Variants in RPS6KA5 observed in about 807,000 individuals in gnomAD.
RPS6KA5 encodes the protein ribosomal protein S6 kinase alpha-5.
Under a neutral mutation model 85.5 loss-of-function variants are expected in RPS6KA5, and 27 were observed. That is an observed-to-expected ratio of 0.32 (90% confidence interval 0.23 to 0.44). The LOEUF (loss-of-function observed/expected upper bound fraction) is 0.44. Ranked by LOEUF, RPS6KA5 falls within the 20% of genes least tolerant of loss-of-function variation. The pLI, the probability that RPS6KA5 is intolerant of heterozygous loss-of-function variation, is 1.00. For synonymous variants in RPS6KA5, 334 were observed against 348.2 expected (o/e 0.96, Z 0.46); for missense variants, 811 against 980.9 (o/e 0.83, Z 2.31).
At chr14:90,950,440 G>C (rs1476868124) in intron 3 of RPS6KA5, among the ~76,000 whole-genome samples, 1 of 152,110 alleles carries the variant, frequency 6.6e-6, no homozygotes, top group Non-Finnish European at 1.5e-5. Context: ...TGAATAAAGT[G>C]GGAAAGTGGA....
At chr14:90,875,894 G>A (rs1170114733) in intron 14 of RPS6KA5, among the ~76,000 whole-genome samples, 1 of 116,994 alleles carries the variant, frequency 8.5e-6, no homozygotes, top group Non-Finnish European at 1.7e-5. Context: ...ACACACCGGG[G>A]ACTGTTGTGG....
At chr14:91,045,895 C>CA (rs2042852361) in intron 1 of RPS6KA5, among the ~76,000 whole-genome samples, 1 of 152,168 alleles carries the variant, frequency 6.6e-6, no homozygotes, top group East Asian at 1.9e-4. Context: ...ATGTCACACT[C>CA]AAGCCAGACA....
At chr14:90,908,206 T>C (rs755127689) in intron 7 of RPS6KA5, among the ~76,000 whole-genome samples, 11 of 152,188 alleles carry the variant, frequency 7.2e-5, no homozygotes, top group Non-Finnish European at 1.3e-4. Context: ...CAGAAATGGC[T>C]CTGCTGAGAT....
chr14:90,904,701 C>T (rs921527592), intron 8 of RPS6KA5, among the ~76,000 whole-genome samples: 1 of 152,158 alleles, frequency 6.6e-6, no homozygotes, highest in Non-Finnish European at 1.5e-5. Flanking sequence ...ATCCTTTCCA[C>T]CTCCGCTCCA....
intron 9 of RPS6KA5, among the ~76,000 whole-genome samples, chr14:90,901,910 G>A (rs151251413): frequency 2.6e-4 from 40 of 152,290 alleles, no homozygotes; most frequent in African/African-American, 8.2e-4. Context: ...TGAGGGGCAC[G>A]GTGGCTCATG....
intron 11 of RPS6KA5, 37 bp downstream of exon 11, chr14:90,900,071 T>A (rs2035077880): frequency 1.4e-6 from 2 of 1,462,430 alleles, no homozygotes; most frequent in African/African-American, 2.9e-5. Context: ...AATTCATGAA[T>A]ACCTAAGAAA....
At chr14:90,938,091 G>A (rs896651305) in intron 5 of RPS6KA5, among the ~76,000 whole-genome samples, 1 of 152,188 alleles carries the variant, frequency 6.6e-6, no homozygotes, top group Admixed American at 6.5e-5. Context: ...GACACAACAG[G>A]AGTACAGGCA....
At chr14:90,957,207 G>A (rs1276277628) in intron 3 of RPS6KA5, among the ~76,000 whole-genome samples, 1 of 151,976 alleles carries the variant, frequency 6.6e-6, no homozygotes, top group East Asian at 1.9e-4. Context: ...AGGAATTACA[G>A]GTGCACACCA....
Position 90,900,619 on chromosome 14 carries a change from T to A in RPS6KA5, c.1237A>T (p.Met413Leu). The change falls in exon 10 of 17, where the codon ATG (methionine) becomes TTG (leucine). Residue 413 changes from methionine (M) to leucine (L), a missense_variant. Met to Leu is a conservative substitution (Grantham distance 15, BLOSUM62 2). Coordinates refer to ENST00000614987, the MANE Select transcript of RPS6KA5 (RefSeq NM_004755.4). ...TTACCACATCTATATACCTTCATCA[T>A]TGCACTCCTGGCAACATTTGTCACT... ...PGVTNVARSA[M>L]MKDSPFYQHY... 2.5e-6 allele frequency: 4 copies of A among 1,613,626 alleles called. No individual in the cohort carries two copies. Among genetic ancestry groups the A allele is most frequent in the Non-Finnish European group, 3.4e-6 (4 of 1,179,824 alleles).
chr14:90,993,004 CAGTA>C (rs1182851463), intron 2 of RPS6KA5, among the ~76,000 whole-genome samples: 1 of 152,190 alleles, frequency 6.6e-6, no homozygotes, highest in African/African-American at 2.4e-5. Context: ...TTTACACAGT[CAGTA>C]TGCTTTAGAC....
intron 1 of RPS6KA5, among the ~76,000 whole-genome samples, chr14:91,005,627 A>G (rs2040985678): frequency 6.6e-6 from 1 of 152,204 alleles, no homozygotes; most frequent in South Asian, 2.1e-4. Flanking sequence ...TAAAAAACAC[A>G]TATTTGAGCA....
In RPS6KA5 at chr14:90,849,756, G is replaced by A. The variant is rs943703; in HGVS notation, c.*22318C>T. ...ATGCTAATGTAGGGGTCAGCTAACAGTAACAAGCTACTACTATTATTTCCC... is the reference window on the plus strand; with the variant it reads ...ATGCTAATGTAGGGGTCAGCTAACAATAACAAGCTACTACTATTATTTCCC... On this transcript the variant is annotated 3_prime_UTR_variant, in exon 17 of 17. Transcript: ENST00000614987. The A allele has an allele frequency of 0.29, 44,665 of 152,086 alleles. 6,762 individuals carry two copies. Among genetic ancestry groups the A allele is most frequent in the African/African-American group, 0.34 (14,289 of 41,484 alleles). 9.4% of individuals were successfully genotyped at this position (152,086 alleles called of 1,614,324 possible).
rs1298074165 is a variant in RPS6KA5, at chr14:90,862,472, TTCTTC to T, written c.*9597_*9601del. ...CTCCTCCTCCTTCTTCTTCTTCTTC[TTCTTC>T]TTTTTTTAATGCTAGGCTCCTGCTC... On this transcript the variant is annotated 3_prime_UTR_variant, in exon 17 of 17. Coordinates refer to ENST00000614987, the MANE Select transcript of RPS6KA5 (RefSeq NM_004755.4). The T allele has an allele frequency of 1.3e-5, 2 of 151,754 alleles. No homozygotes were observed. Among genetic ancestry groups the T allele is most frequent in the African/African-American group, 2.4e-5 (1 of 41,000 alleles). 9.4% of individuals were successfully genotyped at this position (151,754 alleles called of 1,614,324 possible).
At chr14:90,988,424 C>T (rs151178182) in intron 2 of RPS6KA5, among the ~76,000 whole-genome samples, 3 of 152,304 alleles carry the variant, frequency 2.0e-5, no homozygotes, top group East Asian at 1.9e-4. Flanking sequence ...GCAATCAAAA[C>T]ATTTTATTAC....
intron 3 of RPS6KA5, among the ~76,000 whole-genome samples, chr14:90,962,584 G>A (rs1253369359): frequency 1.3e-5 from 2 of 149,822 alleles, no homozygotes; most frequent in Non-Finnish European, 3.0e-5. Context: ...ACCATGCCCG[G>A]CCTAGATTTT....
At chr14:90,964,567 CA>C (rs1375945354) in intron 3 of RPS6KA5, among the ~76,000 whole-genome samples, 1 of 152,158 alleles carries the variant, frequency 6.6e-6, no homozygotes, top group African/African-American at 2.4e-5. Context: ...CAACCTTGTA[CA>C]TATTTTTTAT....
intron 14 of RPS6KA5, 66 bp downstream of exon 14, chr14:90,890,421 G>A (rs1421204541): frequency 7.5e-7 from 1 of 1,333,626 alleles, no homozygotes; most frequent in Non-Finnish European, 1.0e-6. Flanking sequence ...ACAGTGAAGA[G>A]TGAGATAAGG....
chr14:90,928,265 A>C (rs2036789322), intron 5 of RPS6KA5, among the ~76,000 whole-genome samples: 1 of 151,998 alleles, frequency 6.6e-6, no homozygotes, highest in Admixed American at 6.6e-5. Context: ...TATATATAAG[A>C]ACTTGTGGGA....
chr14:90,859,002 C>T lies in RPS6KA5; in HGVS notation c.*13072G>A, dbSNP rs1183206397. Reference sequence around the variant, plus strand: ...CAACAAGGTGAGACTTCAAGAAATCCAGCAAAAAGCAGCAGATGAGAGGCT... The same window carrying T: ...CAACAAGGTGAGACTTCAAGAAATCTAGCAAAAAGCAGCAGATGAGAGGCT... On this transcript the variant is annotated 3_prime_UTR_variant, in exon 17 of 17. Transcript: ENST00000614987. 1.3e-5 allele frequency: 2 copies of T among 152,134 alleles called. No individual in the cohort carries two copies. Among genetic ancestry groups the T allele is most frequent in the Admixed American group, 6.5e-5 (1 of 15,278 alleles). The allele number at this position is 152,134 out of a possible 1,614,324, so 9.4% of individuals were successfully genotyped here.
Sources: gnomAD v4.1 joint callset for allele counts (sites outside exome capture counted in the v4.1 genomes callset) on GRCh38, gnomAD v4.1.1 for gene constraint, MANE v1.5 for transcripts, NCBI Gene and HGNC (gene_info 2026-07-23, HGNC 2026-07-21) for gene names.